AFF3: variants seen among roughly 807,000 people sequenced by gnomAD.
AFF3 encodes ALF transcription elongation factor 3, also known as AF4/FMR2 family member 3.
In AFF3, 32 loss-of-function variants were observed where a neutral mutation model predicts 129.7. The ratio of observed to expected loss-of-function variants is 0.25; its 90% CI spans 0.19 to 0.33. The LOEUF (loss-of-function observed/expected upper bound fraction) is 0.33. AFF3 is among the 10% of genes least tolerant of loss of function. The pLI, the probability that AFF3 is intolerant of heterozygous loss-of-function variation, is 1.00. For synonymous variants in AFF3, 644 were observed against 635.4 expected (o/e 1.01, Z -0.20); for missense variants, 1,373 against 1,592.0 (o/e 0.86, Z 2.34).
At chr2:99,709,091 G>T (rs1677670572) in intron 11 of AFF3, among the ~76,000 whole-genome samples, 4 of 152,198 alleles carry the variant, frequency 2.6e-5, no homozygotes, top group Admixed American at 2.6e-4. Flanking sequence ...AAAAGTATGG[G>T]CTCTAGGCGG....
At chr2:99,551,616 G>T (rs370524623) in intron 24 of AFF3, 21 bp from the exon 25 acceptor site, 1 of 1,613,824 alleles carries the variant, frequency 6.2e-7, no homozygotes, top group African/African-American at 1.3e-5. Context: ...AGAAAGAGTT[G>T]TTAAGAATGC....
At chr2:99,815,508 A>T (rs540026726) in intron 8 of AFF3, among the ~76,000 whole-genome samples, 1 of 152,178 alleles carries the variant, frequency 6.6e-6, no homozygotes, top group South Asian at 2.1e-4. Context: ...TACTTATTCA[A>T]TTTCTGATGC....
intron 18 of AFF3, among the ~76,000 whole-genome samples, chr2:99,576,092 A>G (rs1400334019): frequency 6.6e-6 from 1 of 151,166 alleles, no homozygotes; most frequent in Non-Finnish European, 1.5e-5. Flanking sequence ...GAAGAGTGGT[A>G]GCACGATCTC....
At chr2:99,834,193 C>T (rs999577594) in intron 8 of AFF3, among the ~76,000 whole-genome samples, 2 of 152,156 alleles carry the variant, frequency 1.3e-5, no homozygotes, top group Non-Finnish European at 2.9e-5. Flanking sequence ...ACGTCTTCAT[C>T]TAGTAAGTCA....
intron 7 of AFF3, among the ~76,000 whole-genome samples, chr2:100,000,013 T>C (rs780892317): frequency 3.9e-5 from 6 of 152,178 alleles, no homozygotes; most frequent in African/African-American, 9.7e-5. Flanking sequence ...TGAGTAGCTA[T>C]GGAATGGGAT....
intron 7 of AFF3, among the ~76,000 whole-genome samples, chr2:99,942,061 G>C (rs1358194556): frequency 6.6e-6 from 1 of 152,136 alleles, no homozygotes; most frequent in Non-Finnish European, 1.5e-5. Flanking sequence ...ATCAATCATT[G>C]AAAGATTATC....
chr2:99,586,618 A>G (rs1678144350), intron 16 of AFF3, among the ~76,000 whole-genome samples: 1 of 152,182 alleles, frequency 6.6e-6, no homozygotes, highest in Non-Finnish European at 1.5e-5. Context: ...CTTGTAAGCC[A>G]TTCATCACAG....
intron 7 of AFF3, among the ~76,000 whole-genome samples, chr2:99,843,735 A>G (rs1689496629): frequency 6.6e-6 from 1 of 152,228 alleles, no homozygotes; most frequent in Admixed American, 6.5e-5. Flanking sequence ...ATATTAGTTG[A>G]CTATAAACTA....
At chr2:99,648,909 A>ACACACACACACACC (rs1684950519) in intron 13 of AFF3, among the ~76,000 whole-genome samples, 1 of 43,010 alleles carries the variant, frequency 2.3e-5, no homozygotes, top group Admixed American at 2.8e-4. Flanking sequence ...ACACACACAC[A>ACACACACACACACC]CACACACACT....
chr2:99,604,171 G>A (rs1008946401), intron 13 of AFF3, among the ~76,000 whole-genome samples: 3 of 151,998 alleles, frequency 2.0e-5, no homozygotes, highest in Non-Finnish European at 4.4e-5. Flanking sequence ...ACACATGCAC[G>A]CGTATGTTCA....
At chr2:99,922,512 G>A (rs1310948572) in intron 7 of AFF3, among the ~76,000 whole-genome samples, 1 of 152,158 alleles carries the variant, frequency 6.6e-6, no homozygotes, top group African/African-American at 2.4e-5. Flanking sequence ...CAAAATTATA[G>A]TTAAGTAAAG....
At chr2:100,128,122 C>T (rs185094458) in intron 2 of AFF3, among the ~76,000 whole-genome samples, 35 of 152,216 alleles carry the variant, frequency 2.3e-4, no homozygotes, top group African/African-American at 8.2e-4. Context: ...ATGGGAGGCA[C>T]GAATAATCCA....
intron 4 of AFF3, among the ~76,000 whole-genome samples, chr2:100,085,308 C>T (rs1242592994): frequency 2.7e-5 from 4 of 147,376 alleles, no homozygotes; most frequent in Non-Finnish European, 4.5e-5. Flanking sequence ...AGTCACGTGA[C>T]GTAAAACATC....
chr2:99,975,523 C>A (rs921239508), intron 7 of AFF3, among the ~76,000 whole-genome samples: 45 of 152,144 alleles, frequency 3.0e-4, no homozygotes, highest in African/African-American at 1.0e-3. Context: ...GACATTTTGC[C>A]AATCAAAATA....
At chr2:99,753,106 A>ATTG (rs781096631) in intron 8 of AFF3, among the ~76,000 whole-genome samples, 2 of 151,936 alleles carry the variant, frequency 1.3e-5, no homozygotes, top group Non-Finnish European at 2.9e-5. Context: ...TATTATTATT[A>ATTG]TTATTATTTT....
intron 8 of AFF3, among the ~76,000 whole-genome samples, chr2:99,834,041 G>A (rs1688685057): frequency 6.6e-6 from 1 of 152,204 alleles, no homozygotes; most frequent in African/African-American, 2.4e-5. Context: ...TTAAAGATGA[G>A]GTTGATAACA....
Position 99,752,245 on chromosome 2 carries a change from T to C in AFF3, c.978A>G (p.Pro326=). ...CCTTATTTGGAAATGGAAATTTGGT[T>C]GGTTCCACTTTGCCAGGTGCTTGAA... ...SAIQAPGKVE[P]TKFPFPNKDS... Residue 326 remains proline (P), a synonymous_variant, in exon 9 of 25, where the codon CCA becomes CCG. Transcript: ENST00000672756. 1.9e-6 allele frequency: 3 copies of C among 1,613,902 alleles called. No individual in the cohort carries two copies. The highest frequency in any genetic ancestry group is 1.7e-4 in the Middle Eastern group (1 of 6,060).
rs145311799 is a variant in AFF3, at chr2:100,129,874, T to C, written c.-227-568A>G. 5.2e-3 allele frequency among the ~76,000 whole-genome samples: 792 copies of C among 152,300 alleles called. 19 individuals are homozygous for C. The highest frequency in any genetic ancestry group is 4.4e-3 in the East Asian group (23 of 5,178). On this transcript the variant is annotated intron_variant, in intron 1 of 24. Transcript: ENST00000672756. ...TCATGGTCACATAGCTTCTAGTGCC[T>C]GGCATGTATGAGGCCTGCAATGAGT...
At chr2:99,771,989 G>A (rs769386232) in intron 8 of AFF3, among the ~76,000 whole-genome samples, 14 of 152,338 alleles carry the variant, frequency 9.2e-5, no homozygotes, top group Admixed American at 2.6e-4. Context: ...AGAACAATGA[G>A]CTTCGGCAGG....
Sources: gnomAD v4.1 joint callset for allele counts (sites outside exome capture counted in the v4.1 genomes callset) on GRCh38, gnomAD v4.1.1 for gene constraint, MANE v1.5 for transcripts, NCBI Gene and HGNC (gene_info 2026-07-23, HGNC 2026-07-21) for gene names.